SCFD2: variants seen among roughly 807,000 people sequenced by gnomAD.
The protein encoded by SCFD2 is sec1 family domain containing 2.
A neutral mutation model predicts 58.9 loss-of-function variants in SCFD2; 54 were observed. The observed-to-expected ratio is 0.92, with a 90% CI of 0.74 to 1.15. SCFD2 has a LOEUF of 1.15. SCFD2 is among the 50% of genes most tolerant of loss of function. The pLI, the probability that SCFD2 is intolerant of heterozygous loss-of-function variation, is 0.00. For missense variants in SCFD2, 805 were observed against 836.6 expected (o/e 0.96, Z 0.47); for synonymous variants, 321 against 335.9 (o/e 0.96, Z 0.49).
chr4:53,237,500 C>G (rs1258502053), intron 4 of SCFD2, among the ~76,000 whole-genome samples: 2 of 38,432 alleles, frequency 5.2e-5, no homozygotes, highest in African/African-American at 2.4e-4. Flanking sequence ...CCCGGACGGG[C>G]GGCTGGCCGG....
At chr4:53,231,907 T>G (rs1356920343) in intron 4 of SCFD2, among the ~76,000 whole-genome samples, 5 of 152,084 alleles carry the variant, frequency 3.3e-5, no homozygotes, top group Admixed American at 3.3e-4. Context: ...CCTTTTAGTC[T>G]CAAAACACCT....
chr4:53,198,936 G>T (rs917041712), intron 4 of SCFD2, among the ~76,000 whole-genome samples: 1 of 152,100 alleles, frequency 6.6e-6, no homozygotes, highest in African/African-American at 2.4e-5. Context: ...AAAAGAGCTT[G>T]TGACAGTTAC....
At chr4:53,223,090 A>G (rs935228120) in intron 4 of SCFD2, among the ~76,000 whole-genome samples, 3 of 152,198 alleles carry the variant, frequency 2.0e-5, no homozygotes, top group African/African-American at 7.2e-5. Flanking sequence ...ATGATGGACA[A>G]ATGTTCAGTT....
chr4:53,243,596 A>G (rs1439725665), intron 4 of SCFD2, among the ~76,000 whole-genome samples: 1 of 152,198 alleles, frequency 6.6e-6, no homozygotes, highest in African/African-American at 2.4e-5. Context: ...ACCACTTATC[A>G]ACATGAAGAG....
chr4:53,212,995 G>A (rs2148983272), intron 4 of SCFD2, among the ~76,000 whole-genome samples: 1 of 152,154 alleles, frequency 6.6e-6, no homozygotes, highest in East Asian at 1.9e-4. Flanking sequence ...CAGCCTGTAT[G>A]TACGAATAAG....
chr4:53,005,311 GAGAGT>G (rs1721949755), intron 5 of SCFD2, among the ~76,000 whole-genome samples: 1 of 152,184 alleles, frequency 6.6e-6, no homozygotes, highest in Non-Finnish European at 1.5e-5. Context: ...AAGTTGCAAG[GAGAGT>G]AAACAGCAGT....
chr4:53,108,862 T>C (rs73141502), intron 5 of SCFD2, among the ~76,000 whole-genome samples: 3,971 of 152,296 alleles, frequency 0.026, 169 homozygotes, highest in African/African-American at 0.091. Context: ...TCTAACTCAC[T>C]TGATGAGGCC....
At chr4:53,315,738 CA>C (rs1424511941) in intron 2 of SCFD2, among the ~76,000 whole-genome samples, 1 of 152,178 alleles carries the variant, frequency 6.6e-6, no homozygotes, top group East Asian at 1.9e-4. Context: ...TATCTCTCCA[CA>C]AAACACAGGG....
At chr4:53,335,324 G>A (rs1319937072) in intron 2 of SCFD2, among the ~76,000 whole-genome samples, 1 of 151,346 alleles carries the variant, frequency 6.6e-6, no homozygotes. Context: ...AACATAAACT[G>A]AAGAACATTC....
At chr4:53,231,537 T>C (rs1420247406) in intron 4 of SCFD2, among the ~76,000 whole-genome samples, 7 of 152,218 alleles carry the variant, frequency 4.6e-5, no homozygotes, top group Non-Finnish European at 5.9e-5. Context: ...TGTATTATTT[T>C]ATCATGCTAA....
At chr4:53,294,972 G>GC (rs1731973847) in intron 3 of SCFD2, among the ~76,000 whole-genome samples, 1 of 152,042 alleles carries the variant, frequency 6.6e-6, no homozygotes, top group African/African-American at 2.4e-5. Flanking sequence ...TATTTCTGAG[G>GC]CCTCTGTTCT....
At chr4:53,034,283 C>T (rs1251688748) in intron 5 of SCFD2, among the ~76,000 whole-genome samples, 4 of 152,106 alleles carry the variant, frequency 2.6e-5, no homozygotes. Flanking sequence ...CCCCTTCATG[C>T]CAAAAACTCT....
chr4:52,975,879 C>G (rs745532288), intron 5 of SCFD2, among the ~76,000 whole-genome samples: 6 of 151,840 alleles, frequency 4.0e-5, no homozygotes, highest in Non-Finnish European at 7.4e-5. Flanking sequence ...TGTAGGGACA[C>G]GGATGAAGCT....
intron 3 of SCFD2, among the ~76,000 whole-genome samples, chr4:53,301,659 T>G (rs1732302742): frequency 1.3e-5 from 2 of 152,162 alleles, no homozygotes; most frequent in South Asian, 4.2e-4. Context: ...AAAAGGGAAT[T>G]TTAGACCAAT....
intron 5 of SCFD2, among the ~76,000 whole-genome samples, chr4:52,986,786 A>G (rs1721506916): frequency 6.6e-6 from 1 of 152,042 alleles, no homozygotes; most frequent in South Asian, 2.1e-4. Context: ...GGTGTGAGCC[A>G]CTGCGCTCGG....
At chr4:53,074,901 C>T (rs944766171) in intron 5 of SCFD2, among the ~76,000 whole-genome samples, 7 of 152,146 alleles carry the variant, frequency 4.6e-5, no homozygotes, top group South Asian at 2.1e-4. Context: ...GCATTTGCTT[C>T]GAGTGAAAGT....
intron 4 of SCFD2, among the ~76,000 whole-genome samples, chr4:53,255,670 G>T (rs13130516): frequency 3.3e-5 from 5 of 152,006 alleles, no homozygotes; most frequent in Non-Finnish European, 7.4e-5. Flanking sequence ...CCTTTCCCCC[G>T]TTTCTATTCC....
intron 5 of SCFD2, among the ~76,000 whole-genome samples, chr4:52,996,212 GATGCACAAGGTC>G (rs1721737828): frequency 6.6e-6 from 1 of 152,184 alleles, no homozygotes; most frequent in South Asian, 2.1e-4. Flanking sequence ...GAGACAGGGG[GATGCACAAGGTC>G]ATGCCTTTCC....
intron 5 of SCFD2, among the ~76,000 whole-genome samples, chr4:52,954,887 GCTC>G (rs1720675422): frequency 1.3e-5 from 2 of 152,102 alleles, no homozygotes; most frequent in Admixed American, 1.3e-4. Context: ...TCAAGAAGTG[GCTC>G]CTATCTGTAC....
Sources: gnomAD v4.1 joint callset for allele counts (sites outside exome capture counted in the v4.1 genomes callset) on GRCh38, gnomAD v4.1.1 for gene constraint, MANE v1.5 for transcripts, NCBI Gene and HGNC (gene_info 2026-07-23, HGNC 2026-07-21) for gene names.